LIPA: variants seen among roughly 807,000 people sequenced by gnomAD.
The protein encoded by LIPA is lipase A, lysosomal acid type.
A neutral mutation model predicts 40.6 loss-of-function variants in LIPA; 26 were observed. The observed-to-expected ratio is 0.64, with a 90% CI of 0.47 to 0.89. The LOEUF (loss-of-function observed/expected upper bound fraction) is 0.89, where lower values mean the gene tolerates loss of function less well. LIPA is among the 40% of genes least tolerant of loss of function. LIPA has a pLI of 0.00. For missense variants in LIPA, 455 were observed against 479.6 expected (o/e 0.95, Z 0.48); for synonymous variants, 188 against 168.4 (o/e 1.12, Z -0.90).
chr10:89,216,968 G>T (rs1015659656), intron 8 of LIPA, among the ~76,000 whole-genome samples: 1 of 152,144 alleles, frequency 6.6e-6, no homozygotes, highest in African/African-American at 2.4e-5. Flanking sequence ...CCATGAAATT[G>T]AAATTGTATT....
intron 1 of LIPA, among the ~76,000 whole-genome samples, chr10:89,302,970 GAT>G (rs1327371240): frequency 1.4e-5 from 2 of 147,550 alleles, no homozygotes; most frequent in Non-Finnish European, 3.0e-5. Flanking sequence ...TTCTTGAAAC[GAT>G]ATTATTTCCT....
chr10:89,287,667 A>G (rs1029797737), intron 1 of LIPA, among the ~76,000 whole-genome samples: 2 of 151,916 alleles, frequency 1.3e-5, no homozygotes, highest in African/African-American at 4.8e-5. Flanking sequence ...TCACCCTTAC[A>G]CCACTCAATG....
intron 1 of LIPA, among the ~76,000 whole-genome samples, chr10:89,311,412 C>T (rs901911965): frequency 6.6e-6 from 1 of 151,608 alleles, no homozygotes; most frequent in Non-Finnish European, 1.5e-5. Context: ...TGCCTGTAAT[C>T]CCAGCTACTC....
chr10:89,321,007 C>A lies in LIPA; in HGVS notation c.-2+21604G>T, dbSNP rs1258067721. On this transcript the variant is annotated intron_variant, in intron 1 of 5. Transcript: ENST00000282673. ...TAATAAATGGTGCTGGGAAAACTGGCTAGCCATATGTAGAAAGCTGAAACT... is the reference window on the plus strand; with the variant it reads ...TAATAAATGGTGCTGGGAAAACTGGATAGCCATATGTAGAAAGCTGAAACT... Among the ~76,000 whole-genome samples the A allele has an allele frequency of 2.6e-5, 4 of 151,950 alleles. No homozygotes were observed. In the East Asian group the frequency reaches 7.7e-4, roughly 29 times the overall value.
At chr10:89,326,516 G>C (rs1843601274) in intron 1 of LIPA, among the ~76,000 whole-genome samples, 2 of 152,156 alleles carry the variant, frequency 1.3e-5, no homozygotes, top group South Asian at 4.1e-4. Context: ...AAGATCTAGT[G>C]TTTGTTAGAA....
chr10:89,306,884 A>G (rs1843484282), intron 1 of LIPA: 2 of 1,613,988 alleles, frequency 1.2e-6, no homozygotes, highest in African/African-American at 2.7e-5. Context: ...GTATGGGAAA[A>G]GAAAGTTACT....
At chr10:89,311,307 G>A (rs1054772034) in intron 1 of LIPA, among the ~76,000 whole-genome samples, 1 of 152,020 alleles carries the variant, frequency 6.6e-6, no homozygotes, top group African/African-American at 2.4e-5. Flanking sequence ...TAGATCACCT[G>A]AGGTCAGGAG....
At chr10:89,227,953 C>T (rs536237185) in intron 4 of LIPA, among the ~76,000 whole-genome samples, 3 of 152,302 alleles carry the variant, frequency 2.0e-5, no homozygotes, top group South Asian at 2.1e-4. Flanking sequence ...ACCCACACCA[C>T]CAGAAATGCC....
intron 2 of LIPA, among the ~76,000 whole-genome samples, chr10:89,400,743 T>C (rs570727274): frequency 6.6e-6 from 1 of 152,238 alleles, no homozygotes; most frequent in African/African-American, 2.4e-5. Flanking sequence ...CCAACTTGGA[T>C]GTCTTGTATT....
intron 1 of LIPA, among the ~76,000 whole-genome samples, chr10:89,295,372 TAAA>T (rs1050862393): frequency 6.6e-6 from 1 of 152,190 alleles, no homozygotes; most frequent in Non-Finnish European, 1.5e-5. Context: ...TCAAATTTTT[TAAA>T]AAATCTCAAG....
At chr10:89,220,298 A>G (rs2133421199) in intron 8 of LIPA, among the ~76,000 whole-genome samples, 1 of 152,284 alleles carries the variant, frequency 6.6e-6, no homozygotes, top group South Asian at 2.1e-4. Flanking sequence ...CAGCCAGCTC[A>G]GTCACCCTCC....
chr10:89,303,568 T>TAAAAAC (rs1394964205), intron 1 of LIPA, among the ~76,000 whole-genome samples: 4 of 152,212 alleles, frequency 2.6e-5, no homozygotes, highest in Non-Finnish European at 5.9e-5. Context: ...CCAGTGGAAA[T>TAAAAAC]AAAAACCCAA....
intron 1 of LIPA, among the ~76,000 whole-genome samples, chr10:89,266,109 C>G (rs912227826): frequency 6.6e-6 from 1 of 152,186 alleles, no homozygotes; most frequent in African/African-American, 2.4e-5. Flanking sequence ...ATACCTTGTA[C>G]AGTAACTTTT....
chr10:89,228,545 T>C, intron 3 of LIPA, 147 bp from the exon 4 acceptor site: 2 of 766,866 alleles, frequency 2.6e-6, no homozygotes, highest in Non-Finnish European at 4.3e-6. Context: ...TGTACTCACA[T>C]ATAATGTTAG....
chr10:89,259,737 C>T (rs905321666), intron 1 of LIPA, among the ~76,000 whole-genome samples: 1 of 152,168 alleles, frequency 6.6e-6, no homozygotes, highest in African/African-American at 2.4e-5. Context: ...CACACAGCAA[C>T]ATGAATGACT....
At chr10:89,365,407 T>C (rs886744196) in intron 2 of LIPA, among the ~76,000 whole-genome samples, 1 of 152,258 alleles carries the variant, frequency 6.6e-6, no homozygotes, top group Non-Finnish European at 1.5e-5. Flanking sequence ...GGTTGCCTGT[T>C]CACTCTGATG....
chr10:89,271,516 G>A, intron 1 of LIPA, among the ~76,000 whole-genome samples: 1 of 152,204 alleles, frequency 6.6e-6, no homozygotes. Context: ...GGCTATGAAG[G>A]GAAAATGGGG....
intron 2 of LIPA, among the ~76,000 whole-genome samples, chr10:89,351,171 C>G (rs981911554): frequency 6.6e-6 from 1 of 151,984 alleles, no homozygotes; most frequent in African/African-American, 2.4e-5. Context: ...CAAAAATTAG[C>G]GAGGTGTGGT....
intron 3 of LIPA, among the ~76,000 whole-genome samples, chr10:89,237,727 T>C (rs1309324985): frequency 1.3e-5 from 2 of 152,230 alleles, no homozygotes; most frequent in Non-Finnish European, 2.9e-5. Flanking sequence ...TGATGCTTTT[T>C]TCCTGAAGTC....
Sources: gnomAD v4.1 joint callset for allele counts (sites outside exome capture counted in the v4.1 genomes callset) on GRCh38, gnomAD v4.1.1 for gene constraint, MANE v1.5 for transcripts, NCBI Gene and HGNC (gene_info 2026-07-23, HGNC 2026-07-21) for gene names.